The following CDH4 variants were observed in gnomAD, a reference collection of about 807,000 sequenced individuals.
CDH4 encodes the protein cadherin 4, also known as cadherin-4.
CDH4 carries 33 observed loss-of-function variants against 86.0 expected under a neutral mutation model. The observed-to-expected ratio is 0.38, with a 90% CI of 0.29 to 0.51. CDH4 has a LOEUF of 0.51. Ranked by LOEUF, CDH4 falls within the 20% of genes least tolerant of loss-of-function variation. The probability of loss-of-function intolerance (pLI) is 0.86; values close to 1 mark genes in which losing one functional copy is unlikely to be tolerated. For synonymous variants in CDH4, 555 were observed against 549.4 expected, an observed-to-expected ratio of 1.01 and a Z score of -0.14; for missense variants, 1,114 against 1,307.4, an observed-to-expected ratio of 0.85 and a Z score of 2.28.
rs1379660005 is a variant in CDH4, at chr20:61,377,281, A to G, written c.169+122344A>G. 6.6e-6 allele frequency among the ~76,000 whole-genome samples: 1 copy of G among 152,174 alleles called. No homozygotes were observed. The highest frequency in any genetic ancestry group is 1.5e-5 in the Non-Finnish European group (1 of 68,034). ...CAGTGGCCGTGTTGCACTTTGTCAC[A>G]GCATCATTTAGGTGACACAGCCCGG... On this transcript the variant is annotated intron_variant, in intron 2 of 15. Coordinates refer to ENST00000614565, the MANE Select transcript of CDH4 (RefSeq NM_001794.5). The surrounding 1 kb of genome is among the most constrained non-coding windows in gnomAD (Gnocchi z 4.0).
At chr20:61,440,007 G>C (rs1001205769) in intron 2 of CDH4, among the ~76,000 whole-genome samples, 1 of 152,206 alleles carries the variant, frequency 6.6e-6, no homozygotes, top group African/African-American at 2.4e-5. Context: ...CTTGATCTTA[G>C]CTGATTGTTT....
At chr20:61,370,717 T>G (rs1568817266) in intron 2 of CDH4, 1 of 152,272 alleles carries the variant, frequency 6.6e-6, no homozygotes, top group Non-Finnish European at 1.5e-5. Flanking sequence ...TTACAGAGAC[T>G]GTAATGAGGA....
intron 2 of CDH4, among the ~76,000 whole-genome samples, chr20:61,342,646 G>A (rs2123284886): frequency 6.6e-6 from 1 of 152,300 alleles, no homozygotes. Context: ...CACAGACCAG[G>A]ACCAGTCCAG....
At chr20:61,520,152 A>G (rs915631497) in intron 2 of CDH4, among the ~76,000 whole-genome samples, 1 of 152,178 alleles carries the variant, frequency 6.6e-6, no homozygotes, top group Non-Finnish European at 1.5e-5. Context: ...GCCCATGTCC[A>G]TGGAGACACC....
chr20:61,559,145 C>T (rs1032992945), intron 2 of CDH4, among the ~76,000 whole-genome samples: 3 of 152,090 alleles, frequency 2.0e-5, no homozygotes, highest in Non-Finnish European at 2.9e-5. Context: ...GGTGAAATCC[C>T]ATCTCTACTA....
At chr20:61,742,364 G>A (rs1051877849) in intron 2 of CDH4, among the ~76,000 whole-genome samples, 2 of 152,162 alleles carry the variant, frequency 1.3e-5, no homozygotes, top group Non-Finnish European at 2.9e-5. Flanking sequence ...AGGTGCCATT[G>A]GCTGGGAAGA....
At chr20:61,565,193 T>TTGCTATTGTTGTTGCTGTTCTCTTGG (rs2086265279) in intron 2 of CDH4, among the ~76,000 whole-genome samples, 1 of 83,464 alleles carries the variant, frequency 1.2e-5, no homozygotes, top group African/African-American at 4.8e-5. Flanking sequence ...GGTGGTCCTC[T>TTGCTATTGTTGTTGCTGTTCTCTTGG]TGGTGGTGGT....
chr20:61,872,671 C>A lies in CDH4; in HGVS notation c.878-1057C>A, dbSNP rs1018760986. Among the ~76,000 whole-genome samples the A allele has an allele frequency of 2.0e-5, 3 of 152,224 alleles. No individual in the cohort carries two copies. In the East Asian group the frequency reaches 5.8e-4, roughly 29 times the overall value. ...CAGAGTTCTGGGGCATCTCAGGCAG[C>A]CAGCAGGGCAAGCTGAGCACACACG... On this transcript the variant is annotated intron_variant, in intron 6 of 15. Coordinates refer to ENST00000614565, the MANE Select transcript of CDH4 (RefSeq NM_001794.5).
At chr20:61,281,182 G>C (rs754956119) in intron 2 of CDH4, among the ~76,000 whole-genome samples, 2 of 152,126 alleles carry the variant, frequency 1.3e-5, no homozygotes, top group Non-Finnish European at 2.9e-5. Flanking sequence ...AGGCTCCAGC[G>C]GGTTCTCACC....
chr20:61,841,259 C>T (rs1424848995), intron 4 of CDH4, among the ~76,000 whole-genome samples: 4 of 152,222 alleles, frequency 2.6e-5, no homozygotes, highest in South Asian at 2.1e-4. Context: ...CTCGGAGAAG[C>T]GCAGCGCTCC....
At chr20:61,899,154 A>G (rs1600751535) in intron 8 of CDH4, among the ~76,000 whole-genome samples, 1 of 151,936 alleles carries the variant, frequency 6.6e-6, no homozygotes, top group East Asian at 1.9e-4. Flanking sequence ...TTTAAAAAAA[A>G]ATTAGCCGGG....
intron 2 of CDH4, among the ~76,000 whole-genome samples, chr20:61,707,137 G>T (rs1265918536): frequency 1.3e-5 from 2 of 152,252 alleles, no homozygotes; most frequent in Non-Finnish European, 2.9e-5. Flanking sequence ...TGGACAGAGT[G>T]CCGGGGTCCC....
chr20:61,855,408 A>AG (rs1394834908), intron 6 of CDH4, among the ~76,000 whole-genome samples: 2 of 152,188 alleles, frequency 1.3e-5, no homozygotes, highest in Admixed American at 1.3e-4. Flanking sequence ...AGGGGCAGGC[A>AG]GGGGGTGAGC....
In CDH4 at chr20:61,284,029, G is replaced by A. The variant is rs147521335; in HGVS notation, c.169+29092G>A. The stretch of plus-strand genomic sequence containing the variant: ...CTTAAAAATCTGCTTAGCTTTGGCC[G>A]GGCGCGGTGGCTCACACCTGTAATC... On this transcript the variant is annotated intron_variant, in intron 2 of 15. Transcript: ENST00000614565. 2.3e-4 allele frequency among the ~76,000 whole-genome samples: 35 copies of A among 152,150 alleles called. No homozygotes were observed. In the East Asian group the frequency reaches 5.8e-3, roughly 25 times the overall value.
chr20:61,448,209 T>C (rs887704746), intron 2 of CDH4, among the ~76,000 whole-genome samples: 3 of 152,256 alleles, frequency 2.0e-5, no homozygotes, highest in Non-Finnish European at 4.4e-5. Context: ...TAATTCCTTC[T>C]GTATCCCAGG....
chr20:61,733,194 AG>A (rs1209607475), intron 2 of CDH4, among the ~76,000 whole-genome samples: 3 of 152,086 alleles, frequency 2.0e-5, no homozygotes, highest in Admixed American at 2.0e-4. Context: ...GATGTCGTTT[AG>A]GAGGGTCTTT....
intron 2 of CDH4, among the ~76,000 whole-genome samples, chr20:61,579,315 C>G (rs911585658): frequency 2.3e-5 from 3 of 129,296 alleles, no homozygotes; most frequent in South Asian, 2.5e-4. Context: ...GAGACGGAGT[C>G]TCTCTCTGTT....
chr20:61,805,978 G>A (rs969549861), intron 4 of CDH4, among the ~76,000 whole-genome samples: 3 of 152,354 alleles, frequency 2.0e-5, no homozygotes, highest in Middle Eastern at 6.8e-3. Context: ...ACGCAGGCCC[G>A]CTGGGAGGTG....
chr20:61,315,141 A>C (rs919224812), intron 2 of CDH4, among the ~76,000 whole-genome samples: 1 of 152,158 alleles, frequency 6.6e-6, no homozygotes, highest in African/African-American at 2.4e-5. Context: ...ATAGGGGCTC[A>C]AGGGGGACCG....
Sources: gnomAD v4.1 joint callset for allele counts (sites outside exome capture counted in the v4.1 genomes callset) on GRCh38, gnomAD v4.1.1 for gene constraint, Gnocchi (gnomAD v3.1) non-coding constraint, MANE v1.5 for transcripts, NCBI Gene and HGNC (gene_info 2026-07-23, HGNC 2026-07-21) for gene names.